SLC6A17: variants seen among roughly 807,000 people sequenced by gnomAD.
SLC6A17 encodes the protein sodium-dependent neutral amino acid transporter SLC6A17.
Under a neutral mutation model 64.5 loss-of-function variants are expected in SLC6A17, and 21 were observed. That is an observed-to-expected ratio of 0.33 (90% CI 0.23 to 0.47). The LOEUF (loss-of-function observed/expected upper bound fraction) is 0.47, where lower values mean the gene tolerates loss of function less well. Among genes scored for constraint, SLC6A17 ranks in the 20% least tolerant of loss-of-function variants. The probability of loss-of-function intolerance (pLI) is 1.00; values close to 1 mark genes in which losing one functional copy is unlikely to be tolerated. For synonymous variants in SLC6A17, 372 were observed against 399.5 expected, an observed-to-expected ratio of 0.93 and a Z score of 0.82; for missense variants, 682 against 963.2, an observed-to-expected ratio of 0.71 and a Z score of 3.86.
Position 110,150,528 on chromosome 1 carries a change from T to A in SLC6A17, c.-443T>A, listed in dbSNP as rs976720736. On this transcript the variant is annotated 5_prime_UTR_variant, in exon 1 of 12. Coordinates refer to ENST00000331565, the MANE Select transcript of SLC6A17 (RefSeq NM_001010898.4). ...AGCGAGGGAACAGTGCGCGCAGCGCTCCGCCCAGCTCCGTTCTGCTCCGCA... is the reference window on the plus strand; with the variant it reads ...AGCGAGGGAACAGTGCGCGCAGCGCACCGCCCAGCTCCGTTCTGCTCCGCA... 6.6e-6 allele frequency: 1 copy of A among 152,190 alleles called. No homozygotes were observed. Among genetic ancestry groups the A allele is most frequent in the Admixed American group, 6.5e-5 (1 of 15,288 alleles). 9.4% of individuals were successfully genotyped at this position (152,190 alleles called of 1,614,324 possible). A position where few individuals can be genotyped will look rare whatever the true frequency, so the allele number is the denominator to read the frequency against.
Position 110,192,334 on chromosome 1 carries a change from G to A in SLC6A17, c.1106+121G>A. 2.7e-6 allele frequency: 4 copies of A among 1,481,918 alleles called. No homozygotes were observed. Among genetic ancestry groups the A allele is most frequent in the Non-Finnish European group, 3.7e-6 (4 of 1,095,060 alleles). 91.8% of individuals were successfully genotyped at this position (1,481,918 alleles called of 1,614,324 possible). ...TCCCCTCCACTCAGACTGAGGAATG[G>A]AGATCAGAGGAGCACTCTCTGTCCC... On this transcript the variant is annotated intron_variant, in intron 7 of 11. Coordinates refer to ENST00000331565, the MANE Select transcript of SLC6A17 (RefSeq NM_001010898.4). This position sits in a 1 kb window ranked among gnomAD's most constrained non-coding sequence, Gnocchi z 4.3.
intron 6 of SLC6A17, among the ~76,000 whole-genome samples, chr1:110,187,653 T>C (rs1248440471): frequency 1.3e-5 from 2 of 152,224 alleles, no homozygotes; most frequent in African/African-American, 2.4e-5. Context: ...AGCCCTCCCA[T>C]GAGGTGCTGG....
In SLC6A17 at chr1:110,150,624, C is replaced by T. The variant is rs1257446472; in HGVS notation, c.-347C>T. The T allele has an allele frequency of 6.6e-6, 1 of 152,312 alleles. No homozygotes were observed. Among genetic ancestry groups the T allele is most frequent in the East Asian group, 1.9e-4 (1 of 5,178 alleles). The allele number at this position is 152,312 out of a possible 1,614,324, so 9.4% of individuals were successfully genotyped here. ...TCTTCGCAATCCCGCGCGCTCTCTC[C>T]GCCGTGGGACCTGGGTCCCCGCGCC... On this transcript the variant is annotated 5_prime_UTR_variant, in exon 1 of 12. Transcript: ENST00000331565.
chr1:110,154,635 C>T (rs766364155), intron 1 of SLC6A17, among the ~76,000 whole-genome samples: 4 of 152,174 alleles, frequency 2.6e-5, no homozygotes, highest in Non-Finnish European at 4.4e-5. Flanking sequence ...CCTCTACTGC[C>T]CTTGACCTCA....
rs564492431 is a variant in SLC6A17 at position 110,170,311 on chromosome 1, C to T, written c.287-1749C>T. ...CATCCTGGCTAACATGGTGAAACCC[C>T]GTCTCTACTAAAAATACAAAAAATT... On this transcript the variant is annotated intron_variant, in intron 2 of 11. Coordinates refer to ENST00000331565, the MANE Select transcript of SLC6A17 (RefSeq NM_001010898.4). Among the ~76,000 whole-genome samples the T allele has an allele frequency of 6.9e-3, 1,047 of 152,168 alleles. 6 individuals are homozygous for T. Among genetic ancestry groups the T allele is most frequent in the Admixed American group, 0.01 (157 of 15,288 alleles).
chr1:110,157,664 A>G (rs1655793819), intron 1 of SLC6A17, among the ~76,000 whole-genome samples: 1 of 152,194 alleles, frequency 6.6e-6, no homozygotes, highest in Non-Finnish European at 1.5e-5. Context: ...ACAGCTTCCC[A>G]TTAGCCTTGA....
intron 1 of SLC6A17, among the ~76,000 whole-genome samples, chr1:110,166,509 A>G (rs1365082837): frequency 6.6e-6 from 1 of 152,234 alleles, no homozygotes; most frequent in Non-Finnish European, 1.5e-5. Context: ...GGGCCTCCAA[A>G]GGGGCTTGAG....
At chr1:110,184,051 A>T (rs145228002) in intron 6 of SLC6A17, among the ~76,000 whole-genome samples, 7 of 152,164 alleles carry the variant, frequency 4.6e-5, no homozygotes, top group East Asian at 1.9e-4. Flanking sequence ...ACATTTGAAC[A>T]TCTCTGAAAG....
chr1:110,172,458 A>G, intron 3 of SLC6A17: 1 of 530,432 alleles, frequency 1.9e-6, no homozygotes, highest in Non-Finnish European at 3.3e-6. Flanking sequence ...GGTGCTAAGG[A>G]GGAAAAGCTG....
chr1:110,180,788 A>T (rs1384180815), intron 6 of SLC6A17, among the ~76,000 whole-genome samples: 2 of 152,062 alleles, frequency 1.3e-5, no homozygotes, highest in African/African-American at 4.8e-5. Context: ...TATAATATAA[A>T]TGACATCCCC....
chr1:110,180,586 C>T (rs1176877477), intron 6 of SLC6A17, among the ~76,000 whole-genome samples: 1 of 152,242 alleles, frequency 6.6e-6, no homozygotes, highest in Admixed American at 6.5e-5. Context: ...TAGGCCGACT[C>T]TCAGAAACAA....
chr1:110,171,310 G>A (rs1656217595), intron 2 of SLC6A17, among the ~76,000 whole-genome samples: 1 of 152,212 alleles, frequency 6.6e-6, no homozygotes, highest in African/African-American at 2.4e-5. Flanking sequence ...TCTGTGTCCA[G>A]ACATGGTTTT....
chr1:110,187,064 C>T (rs1322683213), intron 6 of SLC6A17, among the ~76,000 whole-genome samples: 7 of 152,028 alleles, frequency 4.6e-5, no homozygotes, highest in Non-Finnish European at 8.8e-5. Context: ...CAGTGGGGAA[C>T]CATCAGATAT....
rs965612484 is a variant in SLC6A17 at position 110,167,291 on chromosome 1, T to G, written c.286+76T>G. ...ATGAGGGGTAAAAAAGAACACCCCT[T>G]TGCTGAGGCAGAACTGGAGCCCTTG... On this transcript the variant is annotated intron_variant, in intron 2 of 11. Transcript: ENST00000331565. 5 of 1,516,042 alleles carry G rather than the reference T, an allele frequency of 3.3e-6. No individual in the cohort carries two copies. In the African/African-American group the frequency reaches 6.9e-5, roughly 21 times the overall value. The allele number at this position is 1,516,042 out of a possible 1,614,324, so 93.9% of individuals were successfully genotyped here.
chr1:110,199,719 A>C lies in SLC6A17; in HGVS notation c.*1275A>C. On this transcript the variant is annotated 3_prime_UTR_variant, in exon 12 of 12. Transcript: ENST00000331565. The stretch of plus-strand genomic sequence containing the variant: ...CAGGATGGAGGCCAGCCTGTGCAGA[A>C]GGCTGCAGCTGACAACAGCGACCCC... 2.8e-6 allele frequency: 1 copy of C among 358,314 alleles called. No individual in the cohort carries two copies. Among genetic ancestry groups the C allele is most frequent in the Non-Finnish European group, 5.0e-6 (1 of 200,410 alleles). 22.2% of individuals were successfully genotyped at this position (358,314 alleles called of 1,614,324 possible). A position where few individuals can be genotyped will look rare whatever the true frequency, so the allele number is the denominator to read the frequency against.
chr1:110,194,705 G>A lies in SLC6A17; in HGVS notation c.1426G>A (p.Gly476Arg), dbSNP rs1656915744. ...CAACCTGGGCCTGGGCAGCATGATC[G>A]GGACCATGGCAGGCATCACCACGCC... is the stretch of plus-strand genomic sequence containing the variant. ...LINLGLGSMI[G>R]TMAGITTPII... The change falls in exon 9 of 12, where the codon GGG becomes AGG. Residue 476 changes from glycine (G) to arginine (R), a missense_variant. Transcript: ENST00000331565. 4.3e-6 allele frequency: 7 copies of A among 1,614,164 alleles called. No homozygotes were observed. The highest frequency in any genetic ancestry group is 1.1e-5 in the South Asian group (1 of 91,082).
rs202091410 is a variant in SLC6A17 at position 110,166,989 on chromosome 1, C to T, written c.60C>T (p.Ser20=). The T allele has an allele frequency of 1.1e-5, 18 of 1,613,698 alleles. No homozygotes were observed. The highest frequency in any genetic ancestry group is 4.4e-5 in the South Asian group (4 of 91,002). ...ACAGCAGTGAGCATGTCACTGAGTC[C>T]GTGGCCGACCTGCTGGCCCTCGAGG... The part of the protein sequence containing the change: ...REHSSEHVTE[S]VADLLALEEP... Residue 20 remains serine (S), a synonymous_variant, in exon 2 of 12, where the codon TCC becomes TCT. Transcript: ENST00000331565.
At chr1:110,154,546 AG>A (rs888719424) in intron 1 of SLC6A17, among the ~76,000 whole-genome samples, 1 of 152,210 alleles carries the variant, frequency 6.6e-6, no homozygotes, top group African/African-American at 2.4e-5. Flanking sequence ...ATTTGGCTCC[AG>A]GTGGGTTGAA....
At chr1:110,196,779 AGTG>A (rs1364802842) in intron 10 of SLC6A17, among the ~76,000 whole-genome samples, 1 of 152,240 alleles carries the variant, frequency 6.6e-6, no homozygotes, top group African/African-American at 2.4e-5. Flanking sequence ...ACTTTGAAGT[AGTG>A]ATGAAAATCA....
Sources: gnomAD v4.1 joint callset for allele counts (sites outside exome capture counted in the v4.1 genomes callset) on GRCh38, gnomAD v4.1.1 for gene constraint, Gnocchi (gnomAD v3.1) non-coding constraint, MANE v1.5 for transcripts, NCBI Gene and HGNC (gene_info 2026-07-23, HGNC 2026-07-21) for gene names.